Variants in PKNOX2 observed in about 807,000 individuals in gnomAD.
PKNOX2 encodes the protein homeobox protein PKNOX2.
In PKNOX2, 14 loss-of-function variants were observed where a neutral mutation model predicts 53.1. That is an observed-to-expected ratio of 0.26 (90% confidence interval 0.17 to 0.41). PKNOX2 has a LOEUF of 0.41. Among genes scored for constraint, PKNOX2 ranks in the 10% least tolerant of loss-of-function variants. The pLI is 1.00. For missense variants in PKNOX2, 496 were observed against 602.8 expected (o/e 0.82, Z 1.85); for synonymous variants, 257 against 242.8 (o/e 1.06, Z -0.54).
At chr11:125,245,916 G>C (rs779702408) in intron 2 of PKNOX2, among the ~76,000 whole-genome samples, 4 of 152,108 alleles carry the variant, frequency 2.6e-5, no homozygotes, top group Non-Finnish European at 5.9e-5. Flanking sequence ...GTTTTGTTTT[G>C]TTTTTAAGGG....
chr11:125,279,049 G>T (rs1364461037), intron 2 of PKNOX2, among the ~76,000 whole-genome samples: 1 of 152,246 alleles, frequency 6.6e-6, no homozygotes, highest in Non-Finnish European at 1.5e-5. Flanking sequence ...GCCCCCAACA[G>T]GGGCATGTGT....
At chr11:125,385,527 T>G (rs763706060) in intron 5 of PKNOX2, 24 bp from the exon 6 acceptor site, 1 of 1,593,020 alleles carries the variant, frequency 6.3e-7, no homozygotes, top group Non-Finnish European at 8.5e-7. Context: ...TGTGCGCATG[T>G]GTGAGCTCTT....
chr11:125,415,352 G>A (rs760701068), intron 10 of PKNOX2, among the ~76,000 whole-genome samples: 2 of 148,508 alleles, frequency 1.3e-5, no homozygotes, highest in Non-Finnish European at 3.0e-5. Context: ...TCAAGTTCAA[G>A]CGATTCTCCT....
rs553423917 is a variant in PKNOX2, at chr11:125,360,745, T to C, written c.88-7101T>C. Among the ~76,000 whole-genome samples the C allele has an allele frequency of 1.4e-3, 208 of 152,314 alleles. 1 individual carries two copies. The South Asian group carries it at 0.026, about 19-fold the overall frequency. On this transcript the variant is annotated intron_variant, in intron 4 of 12. Coordinates refer to ENST00000298282, the MANE Select transcript of PKNOX2 (RefSeq NM_001382323.2). ...CTCTCAGGGTGTGGGCTGTAGGCTG[T>C]GTGGATTTTATTAACAATAACCGCC... is the stretch of plus-strand genomic sequence containing the variant.
chr11:125,364,231 T>C (rs1194682548), intron 4 of PKNOX2, among the ~76,000 whole-genome samples: 1 of 152,184 alleles, frequency 6.6e-6, no homozygotes, highest in Non-Finnish European at 1.5e-5. Flanking sequence ...GAAACCTATT[T>C]GGGGATAAAC....
At chr11:125,341,464 T>C (rs1295320131) in intron 3 of PKNOX2, among the ~76,000 whole-genome samples, 1 of 152,148 alleles carries the variant, frequency 6.6e-6, no homozygotes, top group East Asian at 1.9e-4. Context: ...TGTGCAGTCA[T>C]ATTGTATAGG....
At chr11:125,299,134 G>A (rs78393667) in intron 2 of PKNOX2, among the ~76,000 whole-genome samples, 2,469 of 152,264 alleles carry the variant, frequency 0.016, 22 homozygotes, top group Non-Finnish European at 0.024. Flanking sequence ...GAGCAAGAGA[G>A]ATCAGGGAGG....
At chr11:125,319,094 G>A (rs150248684) in intron 2 of PKNOX2, among the ~76,000 whole-genome samples, 1 of 152,238 alleles carries the variant, frequency 6.6e-6, no homozygotes, top group African/African-American at 2.4e-5. Context: ...CCCTCACTAA[G>A]CTTAATCATT....
intron 2 of PKNOX2, among the ~76,000 whole-genome samples, chr11:125,302,788 C>T (rs1429550774): frequency 6.6e-6 from 1 of 152,244 alleles, no homozygotes; most frequent in African/African-American, 2.4e-5. Context: ...CGTGTTCCCT[C>T]CTCCATGCCC....
At chr11:125,353,116 C>T (rs1425200067) in intron 4 of PKNOX2, among the ~76,000 whole-genome samples, 7 of 152,220 alleles carry the variant, frequency 4.6e-5, no homozygotes, top group African/African-American at 1.4e-4. Context: ...GTGGTGGGAA[C>T]GTGGGCTCCA....
intron 1 of PKNOX2, among the ~76,000 whole-genome samples, chr11:125,185,973 A>G (rs1475070120): frequency 6.6e-6 from 1 of 152,082 alleles, no homozygotes; most frequent in Non-Finnish European, 1.5e-5. Flanking sequence ...CAACAGCTGC[A>G]CTATTTTACA....
intron 7 of PKNOX2, among the ~76,000 whole-genome samples, chr11:125,400,850 C>T (rs1379838232): frequency 6.6e-6 from 1 of 152,118 alleles, no homozygotes; most frequent in African/African-American, 2.4e-5. Context: ...ACTTTTTGAG[C>T]AGAGACAGTA....
At chr11:125,286,558 C>T (rs747121511) in intron 2 of PKNOX2, among the ~76,000 whole-genome samples, 8 of 152,346 alleles carry the variant, frequency 5.3e-5, no homozygotes, top group East Asian at 3.9e-4. Flanking sequence ...GCCACCCCTT[C>T]GCCACCCACT....
intron 2 of PKNOX2, among the ~76,000 whole-genome samples, chr11:125,274,692 C>G (rs530612639): frequency 5.3e-5 from 8 of 152,208 alleles, no homozygotes; most frequent in African/African-American, 1.9e-4. Flanking sequence ...TGGGCCATGG[C>G]CTTTGTCTAC....
At chr11:125,360,122 G>C (rs1038033551) in intron 4 of PKNOX2, among the ~76,000 whole-genome samples, 1 of 151,182 alleles carries the variant, frequency 6.6e-6, no homozygotes, top group Non-Finnish European at 1.5e-5. Context: ...CTCCAGCCTG[G>C]GCAACAAGAG....
At chr11:125,318,608 C>T (rs1007276976) in intron 2 of PKNOX2, among the ~76,000 whole-genome samples, 1 of 152,222 alleles carries the variant, frequency 6.6e-6, no homozygotes, top group Non-Finnish European at 1.5e-5. Flanking sequence ...ATCACGTGTT[C>T]ACTGGAGTAG....
intron 1 of PKNOX2, among the ~76,000 whole-genome samples, chr11:125,206,665 C>T (rs1939154365): frequency 6.6e-6 from 1 of 152,102 alleles, no homozygotes; most frequent in Admixed American, 6.5e-5. Flanking sequence ...CCTCAATTTC[C>T]TAATCTGTTA....
chr11:125,205,713 C>T (rs374859826), intron 1 of PKNOX2, among the ~76,000 whole-genome samples: 2 of 152,100 alleles, frequency 1.3e-5, no homozygotes, highest in East Asian at 1.9e-4. Flanking sequence ...AGCCCAATCT[C>T]GACTTCCCCA....
At chr11:125,167,311 C>T (rs1002894909) in intron 1 of PKNOX2, among the ~76,000 whole-genome samples, 1 of 152,196 alleles carries the variant, frequency 6.6e-6, no homozygotes, top group African/African-American at 2.4e-5. Flanking sequence ...GCCAGACAGC[C>T]CTTACAGGAC....
Sources: gnomAD v4.1 joint callset for allele counts (sites outside exome capture counted in the v4.1 genomes callset) on GRCh38, gnomAD v4.1.1 for gene constraint, MANE v1.5 for transcripts, NCBI Gene and HGNC (gene_info 2026-07-23, HGNC 2026-07-21) for gene names.